The following CHST9 variants were observed in gnomAD, a reference collection of about 807,000 sequenced individuals.
CHST9 encodes the protein carbohydrate sulfotransferase 9, also known as GalNAc-4-sulfotransferase 2.
In CHST9, 41 loss-of-function variants were observed where a neutral mutation model predicts 44.4. The observed-to-expected ratio is 0.92, with a 90% CI of 0.72 to 1.20. The LOEUF is 1.20. CHST9 is among the 50% of genes most tolerant of loss of function. CHST9 has a pLI of 0.00. For synonymous variants in CHST9, 171 were observed against 178.4 expected, an observed-to-expected ratio of 0.96 and a Z score of 0.33; for missense variants, 504 against 516.5, an observed-to-expected ratio of 0.98 and a Z score of 0.23.
intron 1 of CHST9, among the ~76,000 whole-genome samples, chr18:27,155,353 G>A (rs145287154): frequency 2.0e-5 from 3 of 152,236 alleles, no homozygotes; most frequent in East Asian, 1.9e-4. Flanking sequence ...TCAAAAGACA[G>A]TCTATTTTTA....
chr18:27,083,401 T>C (rs2057979330), intron 2 of CHST9, among the ~76,000 whole-genome samples: 1 of 152,156 alleles, frequency 6.6e-6, no homozygotes, highest in African/African-American at 2.4e-5. Flanking sequence ...TACTTTTGTA[T>C]TACAAGGCTG....
intron 3 of CHST9, among the ~76,000 whole-genome samples, chr18:27,046,226 C>A (rs1170114379): frequency 1.3e-5 from 2 of 151,906 alleles, no homozygotes; most frequent in Non-Finnish European, 2.9e-5. Context: ...TTATTTCTTA[C>A]CCTGAATAAA....
chr18:27,043,323 T>C (rs747487101), intron 3 of CHST9, among the ~76,000 whole-genome samples: 59 of 152,076 alleles, frequency 3.9e-4, no homozygotes, highest in Non-Finnish European at 7.1e-4. Context: ...CTAGGCTCTA[T>C]TGCCCATAAC....
chr18:27,099,522 A>C (rs569046646), intron 2 of CHST9, among the ~76,000 whole-genome samples: 2 of 152,154 alleles, frequency 1.3e-5, no homozygotes, highest in East Asian at 3.9e-4. Context: ...CAAACAAAAA[A>C]CAAATAATCC....
At chr18:27,109,489 G>A (rs1312420990) in intron 2 of CHST9, among the ~76,000 whole-genome samples, 1 of 152,210 alleles carries the variant, frequency 6.6e-6, no homozygotes, top group East Asian at 1.9e-4. Flanking sequence ...GCGTAGAGAG[G>A]AAAGGGCATG....
At chr18:27,024,675 G>A (rs1018750645) in intron 3 of CHST9, among the ~76,000 whole-genome samples, 1 of 152,220 alleles carries the variant, frequency 6.6e-6, no homozygotes, top group Non-Finnish European at 1.5e-5. Context: ...GGATGCCTTA[G>A]TTTGGGAAGC....
At chr18:27,145,841 T>C (rs1384028652) in intron 1 of CHST9, among the ~76,000 whole-genome samples, 1 of 152,212 alleles carries the variant, frequency 6.6e-6, no homozygotes, top group African/African-American at 2.4e-5. Flanking sequence ...CCAAATTGAA[T>C]CCCTCAAGGG....
intron 3 of CHST9, among the ~76,000 whole-genome samples, chr18:27,032,117 A>C (rs2057347435): frequency 6.6e-6 from 1 of 152,156 alleles, no homozygotes; most frequent in Non-Finnish European, 1.5e-5. Context: ...CACACGATCT[A>C]TCAAAGCTTC....
rs1459351917 is a variant in CHST9, at chr18:27,091,749, T to C, written c.122-43246A>G. On this transcript the variant is annotated intron_variant, in intron 2 of 5. Coordinates refer to ENST00000618847, the MANE Select transcript of CHST9 (RefSeq NM_031422.6). ...TCCTGTTTATATGATGGATTATGTT[T>C]ATTGATTTGCATATGTTGAACCAGC... is the stretch of plus-strand genomic sequence containing the variant. Among the ~76,000 whole-genome samples the C allele has an allele frequency of 2.0e-5, 3 of 152,246 alleles. No homozygotes were observed. The East Asian group carries it at 5.8e-4, about 29-fold the overall frequency.
chr18:27,069,109 C>G (rs1336669282), intron 2 of CHST9, among the ~76,000 whole-genome samples: 1 of 152,106 alleles, frequency 6.6e-6, no homozygotes, highest in Non-Finnish European at 1.5e-5. Context: ...AGATTTTAAG[C>G]TCTTACTATC....
chr18:27,078,491 C>T (rs990941240), intron 2 of CHST9, among the ~76,000 whole-genome samples: 2 of 151,408 alleles, frequency 1.3e-5, no homozygotes, highest in Non-Finnish European at 1.5e-5. Flanking sequence ...ATATATATCT[C>T]TCTCACATAT....
intron 2 of CHST9, among the ~76,000 whole-genome samples, chr18:27,081,332 G>A (rs2057958780): frequency 6.6e-6 from 1 of 152,062 alleles, no homozygotes; most frequent in South Asian, 2.1e-4. Flanking sequence ...GACAGAGTGA[G>A]ACCCTGACTC....
chr18:27,033,802 T>A (rs1447778654), intron 3 of CHST9, among the ~76,000 whole-genome samples: 1 of 152,196 alleles, frequency 6.6e-6, no homozygotes, highest in East Asian at 1.9e-4. Flanking sequence ...CCTCAGGTTT[T>A]CCACGAGCAC....
intron 2 of CHST9, among the ~76,000 whole-genome samples, chr18:27,053,558 T>C (rs776193658): frequency 6.6e-5 from 10 of 152,304 alleles, no homozygotes; most frequent in Non-Finnish European, 8.8e-5. Context: ...TTTATATCTG[T>C]TCCTGGGGTT....
chr18:27,015,209 C>T (rs529586079), intron 4 of CHST9, among the ~76,000 whole-genome samples: 4 of 152,142 alleles, frequency 2.6e-5, no homozygotes, highest in East Asian at 1.9e-4. Flanking sequence ...GCAAGCTCAA[C>T]GGCCTGGAAT....
intron 3 of CHST9, among the ~76,000 whole-genome samples, chr18:27,044,888 T>C (rs1275856010): frequency 1.3e-5 from 2 of 151,984 alleles, no homozygotes; most frequent in Non-Finnish European, 2.9e-5. Context: ...GTTCAACGTG[T>C]GTTAAAAAGT....
chr18:26,988,827 C>A (rs1568122689), intron 4 of CHST9, among the ~76,000 whole-genome samples: 2 of 151,918 alleles, frequency 1.3e-5, no homozygotes, highest in East Asian at 1.9e-4. Flanking sequence ...GTATTCAAGT[C>A]ATGTAACATA....
intron 4 of CHST9, among the ~76,000 whole-genome samples, chr18:26,961,817 G>A (rs1051361156): frequency 1.6e-4 from 25 of 152,178 alleles, no homozygotes; most frequent in Non-Finnish European, 3.1e-4. Flanking sequence ...AGAAACATGG[G>A]TGAGGCTTTG....
chr18:27,007,783 G>T (rs1160977718), intron 4 of CHST9, among the ~76,000 whole-genome samples: 1 of 152,148 alleles, frequency 6.6e-6, no homozygotes, highest in Non-Finnish European at 1.5e-5. Flanking sequence ...TCAGTGGAGT[G>T]GCTGGGACAG....
Sources: gnomAD v4.1 joint callset for allele counts (sites outside exome capture counted in the v4.1 genomes callset) on GRCh38, gnomAD v4.1.1 for gene constraint, MANE v1.5 for transcripts, NCBI Gene and HGNC (gene_info 2026-07-23, HGNC 2026-07-21) for gene names.